CEMIP: variants seen among roughly 807,000 people sequenced by gnomAD.
CEMIP encodes cell migration-inducing and hyaluronan-binding protein.
A neutral mutation model predicts 156.9 loss-of-function variants in CEMIP; 105 were observed. The ratio of observed to expected loss-of-function variants is 0.67; its 90% CI spans 0.57 to 0.79. The LOEUF (loss-of-function observed/expected upper bound fraction) is 0.79, where lower values mean the gene tolerates loss of function less well. Ranked by LOEUF, CEMIP falls within the 30% of genes least tolerant of loss-of-function variation. The pLI is 0.00. For synonymous variants in CEMIP, 676 were observed against 668.4 expected, an observed-to-expected ratio of 1.01 and a Z score of -0.17; for missense variants, 1,457 against 1,769.4, an observed-to-expected ratio of 0.82 and a Z score of 3.17.
chr15:80,899,957 C>G (rs1484601807), intron 12 of CEMIP, among the ~76,000 whole-genome samples: 5 of 152,162 alleles, frequency 3.3e-5, no homozygotes, highest in Non-Finnish European at 5.9e-5. Flanking sequence ...ATAAGATGAT[C>G]CATGGGCCTG....
At chr15:80,926,185 G>A (rs1900661424) in intron 19 of CEMIP, among the ~76,000 whole-genome samples, 2 of 152,214 alleles carry the variant, frequency 1.3e-5, no homozygotes, top group Non-Finnish European at 2.9e-5. Flanking sequence ...CTGAGGTTCA[G>A]TTTAGTGAAT....
chr15:80,941,879 C>A lies in CEMIP; in HGVS notation c.3438C>A (p.Asn1146Lys). Residue 1146 changes from asparagine to lysine, a missense_variant, in exon 26 of 30, where the codon AAC becomes AAA. Around this residue, in one of 5 missense-constraint regions of CEMIP, gnomAD observed 798 missense variants for 980.1 expected, o/e 0.81. Coordinates refer to ENST00000394685, the MANE Select transcript of CEMIP (RefSeq NM_001293298.2). ...GLLFLKLKAQ[N>K]EREKFAFCSM... ...TGTTCCTGAAGCTGAAAGCTCAGAACGAGAGAGAGAAGTTTGCTTTCTGCT... is the reference window on the plus strand; with the variant it reads ...TGTTCCTGAAGCTGAAAGCTCAGAAAGAGAGAGAGAAGTTTGCTTTCTGCT... 1 of 1,613,622 alleles carries A rather than the reference C, an allele frequency of 6.2e-7. No individual in the cohort carries two copies. The highest frequency in any genetic ancestry group is 8.5e-7 in the Non-Finnish European group (1 of 1,179,928).
intron 1 of CEMIP, among the ~76,000 whole-genome samples, chr15:80,852,895 C>G (rs757975195): frequency 6.6e-6 from 1 of 152,140 alleles, no homozygotes; most frequent in Non-Finnish European, 1.5e-5. Context: ...TCCCAATAGG[C>G]GCCTGAATAG....
At chr15:80,824,417 C>T (rs1034664932) in intron 1 of CEMIP, among the ~76,000 whole-genome samples, 1 of 152,156 alleles carries the variant, frequency 6.6e-6, no homozygotes, top group African/African-American at 2.4e-5. Context: ...CCAGGGCAGT[C>T]CCCTCTGTCA....
chr15:80,857,656 G>A (rs1897886551), intron 1 of CEMIP, among the ~76,000 whole-genome samples: 1 of 152,182 alleles, frequency 6.6e-6, no homozygotes, highest in Non-Finnish European at 1.5e-5. Flanking sequence ...CAAGACCTCT[G>A]GTTTCTAACA....
At chr15:80,881,912 G>A (rs567323880) in intron 6 of CEMIP, among the ~76,000 whole-genome samples, 1 of 152,342 alleles carries the variant, frequency 6.6e-6, no homozygotes, top group South Asian at 2.1e-4. Context: ...CCTGAGAGAT[G>A]TTTGGAAGGC....
At chr15:80,859,308 T>C (rs1346799757) in intron 1 of CEMIP, among the ~76,000 whole-genome samples, 3 of 152,238 alleles carry the variant, frequency 2.0e-5, no homozygotes, top group Admixed American at 6.5e-5. Context: ...ACATCCTCTG[T>C]GGGCTCCTCA....
chr15:80,807,064 T>C (rs1380764813), intron 1 of CEMIP, among the ~76,000 whole-genome samples: 1 of 152,124 alleles, frequency 6.6e-6, no homozygotes, highest in Non-Finnish European at 1.5e-5. Flanking sequence ...AAACAAAAAG[T>C]ATTATGAGTT....
intron 14 of CEMIP, among the ~76,000 whole-genome samples, chr15:80,917,958 T>C (rs1297359611): frequency 6.6e-6 from 1 of 151,584 alleles, no homozygotes; most frequent in Admixed American, 6.6e-5. Context: ...TGCCTGGGAG[T>C]TGGGGAGTAG....
intron 18 of CEMIP, among the ~76,000 whole-genome samples, chr15:80,925,373 T>G (rs1900618923): frequency 6.6e-6 from 1 of 152,196 alleles, no homozygotes; most frequent in Non-Finnish European, 1.5e-5. Flanking sequence ...GTCCTCTGTG[T>G]TTTGGCCCCA....
chr15:80,888,741 C>T lies in CEMIP; in HGVS notation c.909C>T (p.Phe303=), dbSNP rs1250326593. 5 of 1,614,052 alleles carry T rather than the reference C, an allele frequency of 3.1e-6. No homozygotes were observed. In the East Asian group the frequency reaches 1.1e-4, roughly 36 times the overall value. Residue 303 remains phenylalanine (F), a synonymous_variant, in exon 9 of 30, where the codon TTC becomes TTT. Coordinates refer to ENST00000394685, the MANE Select transcript of CEMIP (RefSeq NM_001293298.2). ...CTGCTGCCCGGGTATTCAAATTGTT[C>T]CAGACAGAGCATGGCGAATATTTCA... is the stretch of plus-strand genomic sequence containing the variant. ...GSAAARVFKL[F]QTEHGEYFNV...
At chr15:80,894,104 C>T (rs1007086313) in intron 10 of CEMIP, among the ~76,000 whole-genome samples, 1 of 152,224 alleles carries the variant, frequency 6.6e-6, no homozygotes, top group African/African-American at 2.4e-5. Context: ...TGAGACCTCA[C>T]TCTGTGCCAG....
At chr15:80,817,565 C>T (rs1896813810) in intron 1 of CEMIP, among the ~76,000 whole-genome samples, 1 of 151,036 alleles carries the variant, frequency 6.6e-6, no homozygotes, top group African/African-American at 2.4e-5. Flanking sequence ...TGCATCACTG[C>T]ACTCCAGCCT....
chr15:80,803,880 T>C (rs985294782), intron 1 of CEMIP, among the ~76,000 whole-genome samples: 3 of 152,204 alleles, frequency 2.0e-5, no homozygotes, highest in African/African-American at 7.2e-5. Context: ...GACCCTGTAT[T>C]ATTCTGTTCT....
intron 1 of CEMIP, among the ~76,000 whole-genome samples, chr15:80,839,312 G>GTT (rs1399702500): frequency 1.4e-4 from 21 of 151,534 alleles, no homozygotes; most frequent in Non-Finnish European, 2.8e-4. Flanking sequence ...GTGTGTGTGT[G>GTT]TGTGTGTGTG....
chr15:80,902,004 G>A (rs1476519643), intron 12 of CEMIP, among the ~76,000 whole-genome samples: 1 of 152,152 alleles, frequency 6.6e-6, no homozygotes, highest in African/African-American at 2.4e-5. Context: ...GTCCCTCTGG[G>A]CTTGTCCTCA....
chr15:80,880,824 T>C (rs1411707025), intron 5 of CEMIP, 76 bp from the exon 6 acceptor site: 3 of 1,239,742 alleles, frequency 2.4e-6, no homozygotes, highest in South Asian at 1.2e-5. Context: ...GAGCTGTGAC[T>C]CCTAGGTTCC....
In CEMIP at chr15:80,884,358, C is replaced by T; in HGVS notation, c.797+4C>T. 1 of 1,614,024 alleles carries T rather than the reference C, an allele frequency of 6.2e-7. No homozygotes were observed. On this transcript the variant is annotated splice_donor_region_variant and intron_variant, in intron 7 of 29. Transcript: ENST00000394685. ...ACTTCCTGCACCTTGGATTTAGGTA[C>T]TGCCCCTCACTTCGGCTTCCACTGG... is the stretch of plus-strand genomic sequence containing the variant.
At chr15:80,834,813 G>A (rs778213836) in intron 1 of CEMIP, among the ~76,000 whole-genome samples, 14 of 151,994 alleles carry the variant, frequency 9.2e-5, no homozygotes, top group African/African-American at 3.1e-4. Context: ...ACATAGTGGC[G>A]TTTTGTTTGG....
Sources: gnomAD v4.1 joint callset for allele counts (sites outside exome capture counted in the v4.1 genomes callset) on GRCh38, gnomAD v4.1.1 for gene constraint, gnomAD v4.1.1 regional missense constraint, MANE v1.5 for transcripts, NCBI Gene and HGNC (gene_info 2026-07-23, HGNC 2026-07-21) for gene names.